The following PTPRT variants were observed in gnomAD, a reference collection of about 807,000 sequenced individuals.
PTPRT encodes the protein receptor-type tyrosine-protein phosphatase T.
A neutral mutation model predicts 176.8 loss-of-function variants in PTPRT; 56 were observed. That is an observed-to-expected ratio of 0.32 (90% CI 0.26 to 0.40). The LOEUF (loss-of-function observed/expected upper bound fraction) is 0.40. PTPRT is among the 10% of genes least tolerant of loss of function. The pLI, the probability that PTPRT is intolerant of heterozygous loss-of-function variation, is 1.00. For missense variants in PTPRT, 1,540 were observed against 1,908.2 expected (o/e 0.81, Z 3.60); for synonymous variants, 783 against 739.0 (o/e 1.06, Z -0.96).
chr20:42,461,064 A>T (rs946504549), intron 8 of PTPRT, among the ~76,000 whole-genome samples: 2 of 152,240 alleles, frequency 1.3e-5, no homozygotes, highest in African/African-American at 4.8e-5. Flanking sequence ...ATGGTGGCTC[A>T]TGCCTATAAT....
At chr20:42,478,875 C>G (rs539497611) in intron 7 of PTPRT, among the ~76,000 whole-genome samples, 1 of 152,230 alleles carries the variant, frequency 6.6e-6, no homozygotes, top group South Asian at 2.1e-4. Context: ...CTATAACATA[C>G]AGCTGCTGAA....
intron 7 of PTPRT, among the ~76,000 whole-genome samples, chr20:42,631,972 T>C (rs2145891818): frequency 6.6e-6 from 1 of 152,106 alleles, no homozygotes; most frequent in East Asian, 1.9e-4. Context: ...AACAATGTGA[T>C]TTATGGTGAA....
At chr20:42,508,984 T>C (rs55876253) in intron 7 of PTPRT, among the ~76,000 whole-genome samples, 7,447 of 116,974 alleles carry the variant, frequency 0.064, 555 homozygotes, top group African/African-American at 0.22. Context: ...ATATAATTTA[T>C]ATTTAATTTA....
intron 6 of PTPRT, among the ~76,000 whole-genome samples, chr20:42,725,529 T>C (rs766756838): frequency 6.6e-6 from 1 of 152,034 alleles, no homozygotes; most frequent in Non-Finnish European, 1.5e-5. Context: ...GCCAAGGTTA[T>C]GCAAATCCAG....
chr20:42,675,125 G>A (rs2075478836), intron 7 of PTPRT, among the ~76,000 whole-genome samples: 1 of 152,102 alleles, frequency 6.6e-6, no homozygotes, highest in Non-Finnish European at 1.5e-5. Flanking sequence ...CCCAATTTCA[G>A]ACAGCTTTCC....
chr20:42,727,072 G>A (rs557685560), intron 6 of PTPRT, among the ~76,000 whole-genome samples: 6 of 152,214 alleles, frequency 3.9e-5, no homozygotes, highest in Admixed American at 2.0e-4. Flanking sequence ...CTCTGATCAC[G>A]ACGCCCATCT....
intron 7 of PTPRT, among the ~76,000 whole-genome samples, chr20:42,484,502 A>G (rs769218674): frequency 7.9e-5 from 12 of 152,198 alleles, no homozygotes; most frequent in Non-Finnish European, 1.6e-4. Flanking sequence ...CTTGCATTTC[A>G]TCATGGCAAT....
chr20:42,468,676 C>T (rs1328256107), intron 8 of PTPRT, among the ~76,000 whole-genome samples: 1 of 152,160 alleles, frequency 6.6e-6, no homozygotes, highest in Admixed American at 6.5e-5. Flanking sequence ...CGCCTTAAAG[C>T]TGGACTTGGG....
rs1316464006 is a variant in PTPRT at position 42,352,131 on chromosome 20, T to C, written c.1715A>G (p.Lys572Arg). 1.2e-6 allele frequency: 2 copies of C among 1,614,188 alleles called. No homozygotes were observed. The highest frequency in any genetic ancestry group is 1.7e-5 in the Admixed American group (1 of 60,018). Residue 572 changes from lysine to arginine, a missense_variant, in exon 10 of 31, where the codon AAG (lysine) becomes AGG (arginine). Transcript: ENST00000373187. Reference sequence around the variant, plus strand: ...AGTGGTGACAGGGGGCCCAAAGCCCTTTGCTGTGCTGGCCTTGATGGTGAA... The same window carrying C: ...AGTGGTGACAGGGGGCCCAAAGCCCCTTGCTGTGCTGGCCTTGATGGTGAA... ...YSFTIKASTA[K>R]GFGPPVTTRI... is the part of the protein sequence containing the mutation.
chr20:42,633,875 ATAT>A (rs1408204739), intron 7 of PTPRT, among the ~76,000 whole-genome samples: 2 of 84,250 alleles, frequency 2.4e-5, no homozygotes, highest in African/African-American at 1.0e-4. Flanking sequence ...TATCTATAAT[ATAT>A]TATAATATAA....
intron 17 of PTPRT, among the ~76,000 whole-genome samples, chr20:42,156,988 A>G (rs1032338785): frequency 4.6e-5 from 7 of 152,226 alleles, no homozygotes; most frequent in African/African-American, 1.7e-4. Context: ...AGTAAAAGCC[A>G]AAGTCCTTAT....
At chr20:42,378,243 C>T (rs2058668543) in intron 9 of PTPRT, among the ~76,000 whole-genome samples, 1 of 152,198 alleles carries the variant, frequency 6.6e-6, no homozygotes, top group Non-Finnish European at 1.5e-5. Context: ...GCGGGAGGCA[C>T]CAGATAAACA....
At chr20:42,704,754 C>A (rs574521529) in intron 6 of PTPRT, among the ~76,000 whole-genome samples, 11 of 152,224 alleles carry the variant, frequency 7.2e-5, no homozygotes, top group African/African-American at 2.4e-4. Flanking sequence ...TGCATAACCC[C>A]AGACTGCAAA....
chr20:42,818,466 G>C (rs2077830656), intron 2 of PTPRT, among the ~76,000 whole-genome samples: 1 of 152,028 alleles, frequency 6.6e-6, no homozygotes, highest in Admixed American at 6.5e-5. Flanking sequence ...AACACAAAAG[G>C]CCAGAGTGCC....
chr20:42,902,760 G>T (rs188892404), intron 1 of PTPRT, among the ~76,000 whole-genome samples: 1 of 152,152 alleles, frequency 6.6e-6, no homozygotes, highest in Non-Finnish European at 1.5e-5. Context: ...GGACAGAGTC[G>T]GGATTAGAAT....
chr20:42,427,680 G>A (rs894560012), intron 9 of PTPRT, among the ~76,000 whole-genome samples: 1 of 152,144 alleles, frequency 6.6e-6, no homozygotes, highest in Admixed American at 6.5e-5. Flanking sequence ...TCTGAGCCCA[G>A]GCCAGGCCAT....
chr20:43,098,069 G>A (rs957197249), intron 1 of PTPRT, among the ~76,000 whole-genome samples: 1 of 152,082 alleles, frequency 6.6e-6, no homozygotes, highest in African/African-American at 2.4e-5. Flanking sequence ...GAACACCAAG[G>A]TCCCTCCAGA....
Position 42,274,536 on chromosome 20 carries a change from A to AGTGTGT in PTPRT, c.2176+7947_2176+7952dup, listed in dbSNP as rs529883269. 9.1e-3 allele frequency among the ~76,000 whole-genome samples: 1,031 copies of AGTGTGT among 113,294 alleles called. 7 individuals carry two copies. The highest frequency in any genetic ancestry group is 0.015 in the African/African-American group (359 of 24,694). The allele number at this position is 113,294 out of a possible 152,430, so 74.3% of individuals were successfully genotyped here. A position where few individuals can be genotyped will look rare whatever the true frequency, so the allele number is the denominator to read the frequency against. Reference sequence around the variant, plus strand: ...TCTTTACTGTTTCCAGGCCCTGTACAGTGTGTGTGTGTGTGTGTGTGTGTG... The same window carrying AGTGTGT: ...TCTTTACTGTTTCCAGGCCCTGTACAGTGTGTGTGTGTGTGTGTGTGTGTGTGTGTG... On this transcript the variant is annotated intron_variant, in intron 13 of 30. Coordinates refer to ENST00000373187, the MANE Select transcript of PTPRT (RefSeq NM_007050.6).
Position 43,133,681 on chromosome 20 carries a change from G to A in PTPRT, c.88+55965C>T, listed in dbSNP as rs867145638. ...GAGAATGGCGTGAACCTGGGAGGTG[G>A]AGCTTGCAGTGAGCCAAGATCCCAC... On this transcript the variant is annotated intron_variant, in intron 1 of 30. Transcript: ENST00000373187. Among the ~76,000 whole-genome samples the A allele has an allele frequency of 6.0e-4, 91 of 151,776 alleles. 2 individuals are homozygous for A. Among genetic ancestry groups the A allele is most frequent in the Middle Eastern group, 3.4e-3 (1 of 292 alleles).
Sources: gnomAD v4.1 joint callset for allele counts (sites outside exome capture counted in the v4.1 genomes callset) on GRCh38, gnomAD v4.1.1 for gene constraint, MANE v1.5 for transcripts, NCBI Gene and HGNC (gene_info 2026-07-23, HGNC 2026-07-21) for gene names.